Variants in NUCB2 observed in about 807,000 individuals in gnomAD.
NUCB2 encodes the protein nucleobindin-2.
NUCB2 carries 48 observed loss-of-function variants against 57.9 expected under a neutral mutation model. The observed-to-expected ratio is 0.83, with a 90% CI of 0.66 to 1.05. NUCB2 has a LOEUF of 1.05. Among genes scored for constraint, NUCB2 ranks in the 50% least tolerant of loss-of-function variants. NUCB2 has a pLI of 0.00. For synonymous variants in NUCB2, 139 were observed against 152.1 expected, an observed-to-expected ratio of 0.91 and a Z score of 0.64; for missense variants, 442 against 476.2, an observed-to-expected ratio of 0.93 and a Z score of 0.67.
chr11:17,340,707 A>G (rs903086677), intron 2 of NUCB2, among the ~76,000 whole-genome samples: 2 of 152,094 alleles, frequency 1.3e-5, no homozygotes, highest in Admixed American at 6.6e-5. Context: ...CCATTGGTCT[A>G]TATCTGTGTT....
At chr11:17,345,490 C>T (rs534719493) in intron 2 of NUCB2, among the ~76,000 whole-genome samples, 7 of 152,248 alleles carry the variant, frequency 4.6e-5, no homozygotes, top group East Asian at 1.9e-4. Context: ...GGGTGGATCA[C>T]GAGGTCAGGT....
intron 5 of NUCB2, among the ~76,000 whole-genome samples, chr11:17,302,687 T>A (rs1946941557): frequency 6.6e-6 from 1 of 151,712 alleles, no homozygotes; most frequent in South Asian, 2.1e-4. Context: ...TCCTCCCACC[T>A]CAGCCTCCCA....
rs79388827 is a variant in NUCB2 at position 17,284,727 on chromosome 11, G to A, written c.-1+1784G>A. ...ACCCAGTTTTTAAGAGACATTTAAC[G>A]TTATAAATCACCTGACTGAGAATGT... On this transcript the variant is annotated intron_variant, in intron 2 of 13. Transcript: ENST00000529010. Among the ~76,000 whole-genome samples, 444 of 152,016 alleles carry A rather than the reference G, an allele frequency of 2.9e-3. 2 individuals carry two copies. The highest frequency in any genetic ancestry group is 0.01 in the African/African-American group (425 of 41,440).
rs1949099406 is a variant in NUCB2 at position 17,315,471 on chromosome 11, G to T, written c.998G>T (p.Trp333Leu). ...EKKEFLEPDS[W>L]ETLDQQQFFT... ...AAAGAATTCTTGGAGCCAGATAGCT[G>T]GGAGGTAATAGAACCTACTCTAAAT... The change falls in exon 11 of 14, where the codon TGG becomes TTG. Residue 333 changes from tryptophan to leucine, a missense_variant. Coordinates refer to ENST00000529010, the MANE Select transcript of NUCB2 (RefSeq NM_005013.4). The T allele has an allele frequency of 4.4e-6, 7 of 1,598,004 alleles. No individual in the cohort carries two copies. In the East Asian group the frequency reaches 1.6e-4, roughly 36 times the overall value.
chr11:17,301,822 G>A lies in NUCB2; in HGVS notation c.331G>A (p.Val111Ile). 1.2e-6 allele frequency: 2 copies of A among 1,613,482 alleles called. No homozygotes were observed. Among genetic ancestry groups the A allele is most frequent in the Non-Finnish European group, 1.7e-6 (2 of 1,179,408 alleles). Reference protein sequence around the residue: ...TKLDELKRQEVGRLRMLIKAK... With the variant: ...TKLDELKRQEIGRLRMLIKAK... ...ACTTGATGAACTGAAAAGGCAAGAA[G>A]TAGGAAGGTTAAGAATGTTAATTAA... Residue 111 changes from valine (V) to isoleucine (I), a missense_variant, in exon 5 of 14, where the codon GTA (valine) becomes ATA (isoleucine). By Grantham distance (29) the Val-to-Ile change is conservative (BLOSUM62 3). Coordinates refer to ENST00000529010, the MANE Select transcript of NUCB2 (RefSeq NM_005013.4).
chr11:17,312,439 T>C (rs1048480445), intron 10 of NUCB2, among the ~76,000 whole-genome samples: 2 of 151,586 alleles, frequency 1.3e-5, no homozygotes, highest in African/African-American at 4.9e-5. Context: ...AGTCTCACTC[T>C]GTCATCCAAG....
chr11:17,297,141 A>C (rs1383272751), intron 4 of NUCB2, among the ~76,000 whole-genome samples: 1 of 152,218 alleles, frequency 6.6e-6, no homozygotes, highest in Non-Finnish European at 1.5e-5. Context: ...TGAGTAAAAA[A>C]AAATCCAGTT....
rs1196839540 is a variant in NUCB2 at position 17,282,789 on chromosome 11, A to G, written c.-155A>G. The G allele has an allele frequency of 2.6e-5, 4 of 151,948 alleles. No homozygotes were observed. Among genetic ancestry groups the G allele is most frequent in the Non-Finnish European group, 5.9e-5 (4 of 68,012 alleles). The allele number at this position is 151,948 out of a possible 1,614,324, so 9.4% of individuals were successfully genotyped here. ...TATTTTTATTTTTTTTTACATTTAGAACGTGTTACGAGTCAGTTTTTAGTG... is the reference window on the plus strand; with the variant it reads ...TATTTTTATTTTTTTTTACATTTAGGACGTGTTACGAGTCAGTTTTTAGTG... On this transcript the variant is annotated splice_region_variant and 5_prime_UTR_variant, in exon 2 of 14. Transcript: ENST00000529010.
chr11:17,341,741 C>T (rs1336732413), intron 2 of NUCB2, among the ~76,000 whole-genome samples: 1 of 152,160 alleles, frequency 6.6e-6, no homozygotes, highest in African/African-American at 2.4e-5. Flanking sequence ...AGGATTTTTG[C>T]ATCGATGTTC....
At position 17,298,275 on chromosome 11, in the gene NUCB2, A is replaced by G. The variant is rs565874079; in HGVS notation, c.252+2064A>G. On this transcript the variant is annotated intron_variant, in intron 4 of 13. Transcript: ENST00000529010. ...AATTATCCTTCAAATTAAAAAAAAA[A>G]TCATCTGAGGCCAGGCACAGTGGCT... 2.6e-4 allele frequency among the ~76,000 whole-genome samples: 39 copies of G among 152,044 alleles called. No homozygotes were observed. In the South Asian group the frequency reaches 5.6e-3, roughly 22 times the overall value.
At chr11:17,315,148 A>G (rs1164390590) in intron 10 of NUCB2, among the ~76,000 whole-genome samples, 1 of 152,220 alleles carries the variant, frequency 6.6e-6, no homozygotes, top group African/African-American at 2.4e-5. Flanking sequence ...CATTAGGTAT[A>G]TAGATATCTC....
At chr11:17,298,265 T>A (rs980538053) in intron 4 of NUCB2, among the ~76,000 whole-genome samples, 11 of 148,686 alleles carry the variant, frequency 7.4e-5, no homozygotes, top group Admixed American at 3.4e-4. Flanking sequence ...TCCTTCAAAT[T>A]AAAAAAAAAA....
chr11:17,302,789 G>T (rs1327443212), intron 5 of NUCB2, among the ~76,000 whole-genome samples: 1 of 151,384 alleles, frequency 6.6e-6, no homozygotes, highest in Non-Finnish European at 1.5e-5. Flanking sequence ...GCCCAGGCTG[G>T]AGTGCAGTGG....
chr11:17,332,644 C>T (rs1448861341), downstream of NUCB2: 1 of 150,094 alleles, frequency 6.7e-6, no homozygotes. Context: ...TTCTGGCCAC[C>T]TACAAACTGA....
rs753006566 is a variant in NUCB2, at chr11:17,288,963, A to ATATTT, written c.-1+6021_-1+6022insATTTT. The stretch of plus-strand genomic sequence containing the variant: ...CACACACACACACATATATATATAT[A>ATATTT]TTTTTTTTTTTTGAGATGGAGTTTT... On this transcript the variant is annotated intron_variant, in intron 2 of 13. Transcript: ENST00000529010. 2.8e-4 allele frequency among the ~76,000 whole-genome samples: 19 copies of ATATTT among 68,096 alleles called. 6 individuals carry two copies. The highest frequency in any genetic ancestry group is 9.7e-4 in the African/African-American group (14 of 14,500). 44.7% of individuals were successfully genotyped at this position (68,096 alleles called of 152,430 possible). A position where few individuals can be genotyped will look rare whatever the true frequency, so the allele number is the denominator to read the frequency against.
intron 2 of NUCB2, among the ~76,000 whole-genome samples, chr11:17,341,752 A>C (rs977199413): frequency 1.1e-4 from 16 of 152,248 alleles, no homozygotes; most frequent in African/African-American, 3.4e-4. Flanking sequence ...ATCGATGTTC[A>C]TCAGGGATAT....
At chr11:17,326,311 GTTTT>G (rs60955119) in intron 11 of NUCB2, among the ~76,000 whole-genome samples, 1 of 71,274 alleles carries the variant, frequency 1.4e-5, no homozygotes, top group African/African-American at 4.7e-5. Flanking sequence ...CATTGTTACC[GTTTT>G]TTTTTTTTTT....
intron 2 of NUCB2, among the ~76,000 whole-genome samples, chr11:17,348,319 G>T (rs373223588): frequency 8.3e-5 from 7 of 84,470 alleles, no homozygotes; most frequent in Non-Finnish European, 1.5e-4. Context: ...TTGTTTTTGT[G>T]TTTTTTTTTT....
chr11:17,299,460 A>G (rs896537737), intron 4 of NUCB2, among the ~76,000 whole-genome samples: 2 of 152,146 alleles, frequency 1.3e-5, no homozygotes, highest in Non-Finnish European at 2.9e-5. Flanking sequence ...TTACTCATCT[A>G]TGAAGAAAGT....
Sources: gnomAD v4.1 joint callset for allele counts (sites outside exome capture counted in the v4.1 genomes callset) on GRCh38, gnomAD v4.1.1 for gene constraint, MANE v1.5 for transcripts, NCBI Gene and HGNC (gene_info 2026-07-23, HGNC 2026-07-21) for gene names.